OXR1: variants seen among roughly 807,000 people sequenced by gnomAD.
The protein encoded by OXR1 is oxidation resistance protein 1.
In OXR1, 41 loss-of-function variants were observed where a neutral mutation model predicts 104.6. The ratio of observed to expected loss-of-function variants is 0.39; its 90% CI spans 0.31 to 0.51. The LOEUF (loss-of-function observed/expected upper bound fraction) is 0.51, where lower values mean the gene tolerates loss of function less well. Among genes scored for constraint, OXR1 ranks in the 20% least tolerant of loss-of-function variants. The probability of loss-of-function intolerance (pLI) is 0.77; values close to 1 mark genes in which losing one functional copy is unlikely to be tolerated. For synonymous variants in OXR1, 348 were observed against 348.4 expected (o/e 1.00, Z 0.01); for missense variants, 955 against 1,031.9 (o/e 0.93, Z 1.02).
intron 2 of OXR1, among the ~76,000 whole-genome samples, chr8:106,482,804 A>C (rs958756380): frequency 3.3e-5 from 5 of 151,796 alleles, no homozygotes; most frequent in Non-Finnish European, 7.4e-5. Flanking sequence ...GGCTTCAAAA[A>C]CTCTTTCAAA....
At chr8:106,514,683 A>C (rs530400545) in intron 2 of OXR1, among the ~76,000 whole-genome samples, 2 of 152,230 alleles carry the variant, frequency 1.3e-5, no homozygotes, top group African/African-American at 2.4e-5. Context: ...ATTTGTTATA[A>C]TATCTATCCC....
chr8:106,488,892 G>C (rs1032956208), intron 2 of OXR1, among the ~76,000 whole-genome samples: 1 of 151,820 alleles, frequency 6.6e-6, no homozygotes, highest in East Asian at 1.9e-4. Flanking sequence ...GCTTAGTATT[G>C]ACTTGGGGAT....
intron 9 of OXR1, among the ~76,000 whole-genome samples, chr8:106,710,184 T>C (rs1433398387): frequency 4.6e-5 from 7 of 152,130 alleles, no homozygotes; most frequent in South Asian, 2.1e-4. Context: ...CATTAGAAAC[T>C]TCATTAAATT....
At chr8:106,499,516 A>G (rs1185097892) in intron 2 of OXR1, among the ~76,000 whole-genome samples, 1 of 152,148 alleles carries the variant, frequency 6.6e-6, no homozygotes, top group Non-Finnish European at 1.5e-5. Flanking sequence ...GTATATTTAG[A>G]GGGTTTTTTT....
chr8:106,596,409 G>A (rs1295015310), intron 3 of OXR1, among the ~76,000 whole-genome samples: 1 of 152,074 alleles, frequency 6.6e-6, no homozygotes, highest in Non-Finnish European at 1.5e-5. Flanking sequence ...TCACACCACT[G>A]CACTCCAGCC....
At chr8:106,628,058 T>C (rs535111022) in intron 3 of OXR1, among the ~76,000 whole-genome samples, 7 of 152,282 alleles carry the variant, frequency 4.6e-5, no homozygotes, top group African/African-American at 9.6e-5. Context: ...GTAAAATTCA[T>C]TGGTTCTCTC....
At chr8:106,513,533 G>T (rs558509497) in intron 2 of OXR1, among the ~76,000 whole-genome samples, 27 of 152,226 alleles carry the variant, frequency 1.8e-4, no homozygotes, top group African/African-American at 6.3e-4. Context: ...CTTGTATTCA[G>T]TTAGTTCTCT....
At chr8:106,695,209 T>G (rs1482450672) in intron 7 of OXR1, among the ~76,000 whole-genome samples, 1 of 151,352 alleles carries the variant, frequency 6.6e-6, no homozygotes, top group Non-Finnish European at 1.5e-5. Context: ...GTCTATTATA[T>G]TTATCCACTT....
intron 3 of OXR1, among the ~76,000 whole-genome samples, chr8:106,532,651 T>C (rs1563585879): frequency 6.6e-6 from 1 of 152,130 alleles, no homozygotes; most frequent in Non-Finnish European, 1.5e-5. Flanking sequence ...AGTATATAAA[T>C]CTAGATGAAT....
intron 11 of OXR1, among the ~76,000 whole-genome samples, chr8:106,722,223 G>A (rs1832880585): frequency 6.6e-6 from 1 of 152,076 alleles, no homozygotes; most frequent in African/African-American, 2.4e-5. Flanking sequence ...AGTCTAGCCA[G>A]CAAAATCCAC....
chr8:106,274,984 G>C (rs1222542429), intron 1 of OXR1, among the ~76,000 whole-genome samples: 1 of 152,196 alleles, frequency 6.6e-6, no homozygotes, highest in Non-Finnish European at 1.5e-5. Flanking sequence ...AGCAGTAGCA[G>C]GTTCTGTTCT....
intron 1 of OXR1, among the ~76,000 whole-genome samples, chr8:106,309,708 T>G (rs1409244128): frequency 6.6e-6 from 1 of 151,340 alleles, no homozygotes; most frequent in Non-Finnish European, 1.5e-5. Flanking sequence ...AATATAAAAT[T>G]TTAGTCATCT....
chr8:106,519,126 G>A lies in OXR1; in HGVS notation c.207G>A (p.Arg69=), dbSNP rs1337582877. 6.4e-7 allele frequency: 1 copy of A among 1,550,716 alleles called. No individual in the cohort carries two copies. The highest frequency in any genetic ancestry group is 1.2e-5 in the South Asian group (1 of 83,980). ...KHPSRRSELK[R]FYTIDTGQKK... ...CTTCCAGAAGGAGCGAACTGAAGAG[G>A]TTCTACACAATTGGTGAGCACCAGA... Residue 69 remains arginine (R), a synonymous_variant, in exon 3 of 17, where the codon AGG becomes AGA. Transcript: ENST00000517566.
At chr8:106,394,100 G>A (rs1438701391) in intron 2 of OXR1, among the ~76,000 whole-genome samples, 1 of 151,984 alleles carries the variant, frequency 6.6e-6, no homozygotes, top group Non-Finnish European at 1.5e-5. Context: ...TCCACTCAGT[G>A]ATTAAATAAT....
chr8:106,610,867 T>C (rs1278224458), intron 3 of OXR1, among the ~76,000 whole-genome samples: 1 of 152,246 alleles, frequency 6.6e-6, no homozygotes, highest in Non-Finnish European at 1.5e-5. Flanking sequence ...GCATAAAGCA[T>C]GTACACAGTC....
intron 2 of OXR1, among the ~76,000 whole-genome samples, chr8:106,500,266 CA>C (rs1164093849): frequency 1.3e-5 from 2 of 152,098 alleles, no homozygotes; most frequent in Non-Finnish European, 2.9e-5. Context: ...GAAGTAAAAC[CA>C]AAGACAGGCA....
At chr8:106,701,906 T>TA (rs1830611456) in intron 7 of OXR1, among the ~76,000 whole-genome samples, 1 of 152,234 alleles carries the variant, frequency 6.6e-6, no homozygotes, top group African/African-American at 2.4e-5. Context: ...CTGTGGACCC[T>TA]AGTTTGCTCA....
chr8:106,463,334 G>GT (rs1372312957), intron 2 of OXR1, among the ~76,000 whole-genome samples: 1 of 152,020 alleles, frequency 6.6e-6, no homozygotes, highest in Non-Finnish European at 1.5e-5. Context: ...TAAACATTTA[G>GT]TTTTTCTCTG....
intron 3 of OXR1, among the ~76,000 whole-genome samples, chr8:106,561,488 G>A (rs1374031399): frequency 6.6e-6 from 1 of 152,172 alleles, no homozygotes; most frequent in African/African-American, 2.4e-5. Context: ...GGGGCTTATA[G>A]ATAAAACTCC....
Sources: allele counts gnomAD v4.1 joint callset (sites outside exome capture counted in the v4.1 genomes callset), GRCh38; gene constraint gnomAD v4.1.1; transcripts MANE v1.5; gene names NCBI Gene and HGNC (gene_info 2026-07-23, HGNC 2026-07-21).